CRYBB2: variants seen among roughly 807,000 people sequenced by gnomAD.
CRYBB2 encodes crystallin beta B2, also known as beta-crystallin B2.
In CRYBB2, 12 loss-of-function variants were observed where a neutral mutation model predicts 24.3. The observed-to-expected ratio is 0.49, with a 90% CI of 0.32 to 0.80. The LOEUF (loss-of-function observed/expected upper bound fraction) is 0.80. Among genes scored for constraint, CRYBB2 ranks in the 30% least tolerant of loss-of-function variants. The pLI is 0.04. For synonymous variants in CRYBB2, 98 were observed against 101.6 expected (o/e 0.96, Z 0.21); for missense variants, 198 against 268.5 (o/e 0.74, Z 1.83).
chr22:25,218,824 AAG>A (rs1491274233), upstream of CRYBB2, among the ~76,000 whole-genome samples: 3 of 118,314 alleles, frequency 2.5e-5, 1 homozygote, highest in South Asian at 1.0e-3. Context: ...GAAAGAAAGA[AAG>A]AAAGAAAGAA....
At chr22:25,217,132 G>A (rs117359027), upstream of CRYBB2, among the ~76,000 whole-genome samples, 7 of 151,266 alleles carry the variant, frequency 4.6e-5, 1 homozygote, top group East Asian at 9.7e-4. Flanking sequence ...TTTGGGGCAC[G>A]TGCACAGAAG....
upstream of CRYBB2, among the ~76,000 whole-genome samples, chr22:25,217,688 G>C (rs938501357): frequency 1.3e-5 from 2 of 152,188 alleles, no homozygotes; most frequent in African/African-American, 4.8e-5. Context: ...TGGTAAACCA[G>C]GGGGACAACT....
At chr22:25,222,078 G>C (rs1206906478) in intron 2 of CRYBB2, among the ~76,000 whole-genome samples, 6 of 152,166 alleles carry the variant, frequency 3.9e-5, no homozygotes, top group Admixed American at 3.9e-4. Flanking sequence ...AACGTCAGAG[G>C]CTTGTCACAC....
Position 25,229,538 on chromosome 22 carries a change from T to C in CRYBB2, c.409T>C (p.Tyr137His), listed in dbSNP as rs1935495847. Residue 137 changes from tyrosine (Y) to histidine (H), a missense_variant, in exon 5 of 6, where the codon TAC becomes CAC. Tyr to His is a moderately conservative substitution (Grantham distance 83, BLOSUM62 2). Transcript: ENST00000398215. The stretch of plus-strand genomic sequence containing the variant: ...TGTACCCAGCTTCCACGCCCATGGC[T>C]ACCAGGAGAAGGTGTCATCTGTGCG... ...DDVPSFHAHGYQEKVSSVRVQ... is the reference protein window; with the variant it reads ...DDVPSFHAHGHQEKVSSVRVQ... 6.2e-7 allele frequency: 1 copy of C among 1,614,280 alleles called. No homozygotes were observed. Among genetic ancestry groups the C allele is most frequent in the Non-Finnish European group, 8.5e-7 (1 of 1,180,056 alleles).
chr22:25,218,168 A>G (rs1460129513), upstream of CRYBB2, among the ~76,000 whole-genome samples: 1 of 151,882 alleles, frequency 6.6e-6, no homozygotes, highest in Non-Finnish European at 1.5e-5. Context: ...CTGAAGGAGG[A>G]GAATGGTGTG....
chr22:25,218,824 A>G (rs1424484984), upstream of CRYBB2, among the ~76,000 whole-genome samples: 66 of 118,414 alleles, frequency 5.6e-4, no homozygotes, highest in South Asian at 0.011. Flanking sequence ...GAAAGAAAGA[A>G]AGAAAGAAAG....
intron 3 of CRYBB2, among the ~76,000 whole-genome samples, chr22:25,227,270 G>A (rs868449614): frequency 6.6e-6 from 1 of 151,940 alleles, no homozygotes; most frequent in African/African-American, 2.4e-5. Flanking sequence ...CTTCTAATGT[G>A]GATCTACAAA....
rs143080187 is a variant in CRYBB2, at chr22:25,231,713, G to A, written c.559G>A (p.Val187Met). 305 of 1,614,084 alleles carry A rather than the reference G, an allele frequency of 1.9e-4. 1 individual carries two copies. The African/African-American group carries it at 3.5e-3, about 18-fold the overall frequency. Residue 187 changes from valine (V) to methionine (M), a missense_variant, in exon 6 of 6, where the codon GTG (valine) becomes ATG (methionine). Val to Met is a conservative substitution (Grantham distance 21). Transcript: ENST00000398215. ...GGCCCCTCACCCCCAGGTGCAGTCC[G>A]TGCGCCGTATCCGCGACATGCAGTG... ...FGAPHPQVQS[V>M]RRIRDMQWHQ...
At chr22:25,218,804 A>AAGAAAGAG (rs1935259991), upstream of CRYBB2, among the ~76,000 whole-genome samples, 2 of 119,398 alleles carry the variant, frequency 1.7e-5, 1 homozygote, top group Non-Finnish European at 3.4e-5. Flanking sequence ...GAAAGAAAGA[A>AAGAAAGAG]AGAAAGAAAG....
chr22:25,212,865 T>C (rs1238705970), intron 1 of CRYBB2: 1 of 152,214 alleles, frequency 6.6e-6, no homozygotes, highest in Non-Finnish European at 1.5e-5. Flanking sequence ...AAGCATTCTT[T>C]ACCATTTTGG....
chr22:25,221,377 C>G, intron 1 of CRYBB2, 27 bp from the exon 2 acceptor site: 1 of 1,486,160 alleles, frequency 6.7e-7, no homozygotes, highest in Non-Finnish European at 9.4e-7. Flanking sequence ...CCTCCAGGTC[C>G]TCACTGCTGC....
rs189677670 is a variant in CRYBB2, at chr22:25,224,411, A to G, written c.55-507A>G. On this transcript the variant is annotated intron_variant, in intron 2 of 5. Transcript: ENST00000398215. ...ACCATATTTCTTAATTAACATAATT[A>G]TGTCTTAATTATGTCATAATTAGTT... Among the ~76,000 whole-genome samples, 17 of 152,332 alleles carry G rather than the reference A, an allele frequency of 1.1e-4. No individual in the cohort carries two copies. The East Asian group carries it at 2.7e-3, about 24-fold the overall frequency.
At chr22:25,218,236 G>A (rs549274393), upstream of CRYBB2, among the ~76,000 whole-genome samples, 69 of 150,756 alleles carry the variant, frequency 4.6e-4, no homozygotes, top group African/African-American at 1.6e-3. Context: ...TCCAGCCTGG[G>A]CGACAGAGCG....
At chr22:25,229,342 T>C in intron 4 of CRYBB2, 94 bp from the exon 5 acceptor site, 9 of 1,517,564 alleles carry the variant, frequency 5.9e-6, no homozygotes, top group Non-Finnish European at 8.1e-6. Context: ...GTGTGGGACA[T>C]GCTGATCCCA....
upstream of CRYBB2, chr22:25,219,534 A>C (rs917781373): frequency 6.6e-6 from 1 of 152,280 alleles, no homozygotes; most frequent in Non-Finnish European, 1.5e-5. Flanking sequence ...TGAGAGCTTA[A>C]TCCAGCATTC....
At chr22:25,219,952 G>T (rs1025824132) in intron 1 of CRYBB2, among the ~76,000 whole-genome samples, 1 of 152,100 alleles carries the variant, frequency 6.6e-6, no homozygotes. Context: ...TCCTTGTTTC[G>T]CCAGTCGCTG....
At chr22:25,229,056 C>T (rs538996345) in intron 4 of CRYBB2, among the ~76,000 whole-genome samples, 37 of 97,966 alleles carry the variant, frequency 3.8e-4, no homozygotes, top group Admixed American at 5.4e-4. Flanking sequence ...GTGTGGTGTG[C>T]GTGTGTGCAT....
intron 2 of CRYBB2, among the ~76,000 whole-genome samples, chr22:25,224,714 G>T (rs978930915): frequency 6.6e-6 from 1 of 152,112 alleles, no homozygotes; most frequent in Non-Finnish European, 1.5e-5. Context: ...GGAGACTGAC[G>T]CTCAGAGAGG....
At chr22:25,214,156 CAGTA>C (rs1569013610) in intron 1 of CRYBB2, among the ~76,000 whole-genome samples, 1 of 152,136 alleles carries the variant, frequency 6.6e-6, no homozygotes, top group Non-Finnish European at 1.5e-5. Context: ...CTGGACAACA[CAGTA>C]AGACCCTATC....
Sources: gnomAD v4.1 joint callset for allele counts (sites outside exome capture counted in the v4.1 genomes callset) on GRCh38, gnomAD v4.1.1 for gene constraint, MANE v1.5 for transcripts, NCBI Gene and HGNC (gene_info 2026-07-23, HGNC 2026-07-21) for gene names.